RASA3: variants seen among roughly 807,000 people sequenced by gnomAD.
The protein encoded by RASA3 is ras GTPase-activating protein 3.
RASA3 carries 73 observed loss-of-function variants against 110.0 expected under a neutral mutation model. The ratio of observed to expected loss-of-function variants is 0.66; its 90% confidence interval spans 0.55 to 0.81. The LOEUF is 0.81. Ranked by LOEUF, RASA3 falls within the 30% of genes least tolerant of loss-of-function variation. RASA3 has a pLI of 0.00. For missense variants in RASA3, 976 were observed against 1,113.2 expected (o/e 0.88, Z 1.75); for synonymous variants, 500 against 451.4 (o/e 1.11, Z -1.37).
intron 2 of RASA3, among the ~76,000 whole-genome samples, chr13:114,069,985 G>A (rs1464875719): frequency 3.8e-5 from 2 of 52,854 alleles, no homozygotes; most frequent in Non-Finnish European, 7.5e-5. Flanking sequence ...TGGGGGAACC[G>A]GGAAACTGGG....
intron 9 of RASA3, among the ~76,000 whole-genome samples, 167 bp downstream of exon 9, chr13:114,021,237 C>A (rs563760256): frequency 6.6e-6 from 1 of 152,344 alleles, no homozygotes; most frequent in Non-Finnish European, 1.5e-5. Flanking sequence ...GGGGCAGAAA[C>A]TCATCAAGCC....
chr13:113,995,487 A>G (rs9525377), intron 21 of RASA3, among the ~76,000 whole-genome samples: 21,978 of 152,288 alleles, frequency 0.14, 1,876 homozygotes, highest in Middle Eastern at 0.21. Context: ...GGCCACAACA[A>G]CAGCGAGGTG....
chr13:114,091,659 G>A (rs1211370096), intron 1 of RASA3, among the ~76,000 whole-genome samples: 1 of 151,582 alleles, frequency 6.6e-6, no homozygotes, highest in Non-Finnish European at 1.5e-5. Context: ...AGAGACATTG[G>A]CCTTTAGTTT....
rs758191577 is a variant in RASA3, at chr13:113,992,508, A to G, written c.2222T>C (p.Met741Thr). The G allele has an allele frequency of 4.3e-6, 7 of 1,613,282 alleles. No individual in the cohort carries two copies. Among genetic ancestry groups the G allele is most frequent in the African/African-American group, 4.0e-5 (3 of 74,922 alleles). The change falls in exon 22 of 24, where the codon ATG becomes ACG. Residue 741 changes from methionine (M) to threonine (T), a missense_variant. Physicochemically the swap from Met to Thr is moderately conservative, Grantham distance 81 (BLOSUM62 -1). Around this residue, in one of 4 missense-constraint regions of RASA3, gnomAD observed 132 missense variants for 152.8 expected, o/e 0.86. Transcript: ENST00000334062. ...ACCCTGCATCTTCTCCAGCTTGCTC[A>G]TGTACAAGTTGAAGAGGGAGTAGAT... ...ERIYSLFNLY[M>T]SKLEKMQEAC...
chr13:113,982,502 G>A (rs932312748), intron 22 of RASA3, among the ~76,000 whole-genome samples: 3 of 152,210 alleles, frequency 2.0e-5, no homozygotes, highest in Non-Finnish European at 2.9e-5. Context: ...CTGGTGCCTC[G>A]CCCCTAGCGG....
rs375109233 is a variant in RASA3 at position 114,002,097 on chromosome 13, TGGA to T, written c.1743-1168_1743-1166del. 2.1e-3 allele frequency among the ~76,000 whole-genome samples: 315 copies of T among 152,124 alleles called. 1 individual carries two copies. Among genetic ancestry groups the T allele is most frequent in the African/African-American group, 6.8e-3 (283 of 41,490 alleles). ...CCCTGACCAGAACCGGCGGCCGAGC[TGGA>T]GGAGAAGAAAGTGGCCAGACAGAGT... On this transcript the variant is annotated intron_variant, in intron 18 of 23. Coordinates refer to ENST00000334062, the MANE Select transcript of RASA3 (RefSeq NM_007368.4).
intron 1 of RASA3, among the ~76,000 whole-genome samples, chr13:114,099,322 A>G (rs1297150432): frequency 1.3e-5 from 2 of 151,752 alleles, no homozygotes; most frequent in African/African-American, 4.8e-5. Flanking sequence ...TCCTCCCTGC[A>G]TGGGGACACG....
chr13:113,981,619 G>A (rs1419693271), intron 23 of RASA3, 56 bp downstream of exon 23: 36 of 1,564,990 alleles, frequency 2.3e-5, no homozygotes, highest in East Asian at 4.5e-5. Flanking sequence ...CACCCCCACT[G>A]CAATCTCCCG....
At chr13:114,007,650 C>T (rs9562086) in intron 17 of RASA3, 44 bp from the exon 18 acceptor site, 694,063 of 1,488,166 alleles carry the variant, frequency 0.47, 165,151 homozygotes, top group African/African-American at 0.63. Flanking sequence ...AGCCACACAT[C>T]TGACGTGCAC....
chr13:114,059,325 G>C (rs185664967), intron 2 of RASA3, among the ~76,000 whole-genome samples: 1 of 152,332 alleles, frequency 6.6e-6, no homozygotes, highest in East Asian at 1.9e-4. Context: ...GCTTCACAAG[G>C]CCAAGGGGAC....
intron 2 of RASA3, among the ~76,000 whole-genome samples, chr13:114,060,911 A>AAGCCGGCAGACGGAGCCCCCAC (rs2079328943): frequency 2.5e-5 from 3 of 119,128 alleles, no homozygotes; most frequent in Admixed American, 8.1e-5. Context: ...GGGGCCTCCA[A>AAGCCGGCAGACGGAGCCCCCAC]AGCCGGCAGA....
At chr13:114,017,890 A>G (rs964087800) in intron 11 of RASA3, among the ~76,000 whole-genome samples, 64 of 148,636 alleles carry the variant, frequency 4.3e-4, no homozygotes, top group Non-Finnish European at 7.1e-4. Context: ...CCACTCACTC[A>G]CTCTACCCGG....
At chr13:114,002,146 A>C (rs2053419678) in intron 18 of RASA3, among the ~76,000 whole-genome samples, 1 of 152,226 alleles carries the variant, frequency 6.6e-6, no homozygotes, top group Non-Finnish European at 1.5e-5. Context: ...CAGAGGTGGA[A>C]GCTGAGGACG....
At chr13:114,098,243 A>C (rs1195228738) in intron 1 of RASA3, among the ~76,000 whole-genome samples, 1 of 152,002 alleles carries the variant, frequency 6.6e-6, no homozygotes, top group Admixed American at 6.6e-5. Flanking sequence ...AGACAGCAGG[A>C]AAAAAAATCA....
chr13:113,999,287 G>T (rs2053327968), intron 20 of RASA3, among the ~76,000 whole-genome samples: 1 of 152,168 alleles, frequency 6.6e-6, no homozygotes, highest in Non-Finnish European at 1.5e-5. Context: ...TTGACAGAGG[G>T]CCCCTTGACA....
chr13:114,035,311 C>T (rs2139426805), intron 4 of RASA3, among the ~76,000 whole-genome samples: 1 of 152,392 alleles, frequency 6.6e-6, no homozygotes, highest in African/African-American at 2.4e-5. Flanking sequence ...ACCCTGGCAC[C>T]TGCCTGGACG....
chr13:114,029,880 A>G lies in RASA3; in HGVS notation c.380T>C (p.Val127Ala), dbSNP rs1160284882. Residue 127 changes from valine to alanine, a missense_variant, in exon 5 of 24, where the codon GTG (valine) becomes GCG (alanine). Coordinates refer to ENST00000334062, the MANE Select transcript of RASA3 (RefSeq NM_007368.4). ...VDADSEVQGK[V>A]HLELRLSEVI... Reference sequence around the variant, plus strand: ...CTCGCTCAGCCGCAGCTCCAGGTGCACTTTGCCCTGCAAGGCACAAGGATG... The same window carrying G: ...CTCGCTCAGCCGCAGCTCCAGGTGCGCTTTGCCCTGCAAGGCACAAGGATG... 2 of 1,559,744 alleles carry G rather than the reference A, an allele frequency of 1.3e-6. No homozygotes were observed. Among genetic ancestry groups the G allele is most frequent in the Admixed American group, 1.9e-5 (1 of 52,822 alleles).
At chr13:113,996,773 TGA>T (rs761751729) in intron 20 of RASA3, 34 bp from the exon 21 acceptor site, 15 of 1,581,328 alleles carry the variant, frequency 9.5e-6, no homozygotes, top group African/African-American at 1.3e-5. Context: ...ACAGCGCACA[TGA>T]GGTCTCGTGG....
At chr13:114,129,815 C>T (rs2080494774) in intron 1 of RASA3, among the ~76,000 whole-genome samples, 1 of 152,156 alleles carries the variant, frequency 6.6e-6, no homozygotes, top group Admixed American at 6.5e-5. Flanking sequence ...CTGGGTCATG[C>T]AGCAAGTCAC....
Sources: allele counts gnomAD v4.1 joint callset (sites outside exome capture counted in the v4.1 genomes callset), GRCh38; gene constraint gnomAD v4.1.1; regional missense constraint gnomAD v4.1.1; transcripts MANE v1.5; gene names NCBI Gene and HGNC (gene_info 2026-07-23, HGNC 2026-07-21).